The following PCGF3 variants were observed in gnomAD, a reference collection of about 807,000 sequenced individuals.
PCGF3 encodes the protein polycomb group RING finger protein 3.
Under a neutral mutation model 33.1 loss-of-function variants are expected in PCGF3, and 7 were observed. That is an observed-to-expected ratio of 0.21 (90% CI 0.12 to 0.40). The LOEUF (loss-of-function observed/expected upper bound fraction) is 0.40. Among genes scored for constraint, PCGF3 ranks in the 10% least tolerant of loss-of-function variants. PCGF3 has a pLI of 1.00. For synonymous variants in PCGF3, 153 were observed against 121.3 expected (o/e 1.26, Z -1.72); for missense variants, 211 against 313.3 (o/e 0.67, Z 2.46).
At chr4:734,147 G>T in intron 4 of PCGF3, 3 of 1,550,522 alleles carry the variant, frequency 1.9e-6, no homozygotes, top group Non-Finnish European at 2.6e-6. Flanking sequence ...CTTCCAGTGT[G>T]TTCTTCACAC....
At chr4:712,725 C>T (rs756526224) in intron 1 of PCGF3, among the ~76,000 whole-genome samples, 3 of 152,200 alleles carry the variant, frequency 2.0e-5, no homozygotes, top group Non-Finnish European at 2.9e-5. Context: ...GGATTACAGG[C>T]GTGAGCCACC....
rs142891414 is a variant in PCGF3 at position 762,456 on chromosome 4, G to C, written c.600+1040G>C. 4.3e-3 allele frequency: 660 copies of C among 152,408 alleles called. 1 individual carries two copies. Among genetic ancestry groups the C allele is most frequent in the South Asian group, 0.017 (80 of 4,828 alleles). 9.4% of individuals were successfully genotyped at this position (152,408 alleles called of 1,614,324 possible). On this transcript the variant is annotated intron_variant, in intron 9 of 10. Transcript: ENST00000362003. ...ATTCATGTTGGAAATTCCATCCCCAGCAGGGCAGTGCTGGGAGTTAGGGCC... is the reference window on the plus strand; with the variant it reads ...ATTCATGTTGGAAATTCCATCCCCACCAGGGCAGTGCTGGGAGTTAGGGCC...
chr4:756,999 AGG>A (rs1357204232), intron 8 of PCGF3: 4 of 152,244 alleles, frequency 2.6e-5, no homozygotes, highest in African/African-American at 9.7e-5. Context: ...GTATTTAAAT[AGG>A]TAATTCGTTC....
At chr4:719,290 A>G (rs1241496224) in intron 1 of PCGF3, among the ~76,000 whole-genome samples, 1 of 152,168 alleles carries the variant, frequency 6.6e-6, no homozygotes, top group East Asian at 1.9e-4. Flanking sequence ...AGGGTGACAT[A>G]GCTGTGCAGA....
At position 766,141 on chromosome 4, in the gene PCGF3, G is replaced by A. The variant is rs548408451; in HGVS notation, c.*62G>A. The A allele has an allele frequency of 1.1e-4, 153 of 1,411,362 alleles. 1 individual carries two copies. In the East Asian group the frequency reaches 1.9e-3, roughly 18 times the overall value. The allele number at this position is 1,411,362 out of a possible 1,614,324, so 87.4% of individuals were successfully genotyped here. A position where few individuals can be genotyped will look rare whatever the true frequency, so the allele number is the denominator to read the frequency against. ...ACCCTTGGGTGCTCCCGGCCGCCGC[G>A]CTTAAGAACATTGCCTCTGGGTGTC... On this transcript the variant is annotated 3_prime_UTR_variant, in exon 11 of 11. Coordinates refer to ENST00000362003, the Ensembl canonical transcript of PCGF3.
In PCGF3 at chr4:740,535, G is replaced by A. The variant is rs57212144; in HGVS notation, c.263-2939G>A. ...TGTCCGTTCCTGGTGAGGGCTGTGG[G>A]GCTCACGCACTCACCAGTCCTCTTT... On this transcript the variant is annotated intron_variant, in intron 6 of 10. Coordinates refer to ENST00000362003, the Ensembl canonical transcript of PCGF3. 7.6e-3 allele frequency among the ~76,000 whole-genome samples: 1,159 copies of A among 152,026 alleles called. 19 individuals carry two copies. Among genetic ancestry groups the A allele is most frequent in the African/African-American group, 0.026 (1,095 of 41,434 alleles).
rs6848678 is a variant in PCGF3, at chr4:765,613, C to A, written c.682-419C>A. Among the ~76,000 whole-genome samples, 177 of 152,332 alleles carry A rather than the reference C, an allele frequency of 1.2e-3. No individual in the cohort carries two copies. The East Asian group carries it at 0.029, about 25-fold the overall frequency. ...CCATGAGCAGAGGGTCCCCTGGGGC[C>A]TTTGGGCCCCTCTGAAGCAGGAAAC... On this transcript the variant is annotated intron_variant, in intron 10 of 10. Coordinates refer to ENST00000362003, the Ensembl canonical transcript of PCGF3.
intron 1 of PCGF3, among the ~76,000 whole-genome samples, chr4:712,932 C>A (rs1467718854): frequency 6.6e-6 from 1 of 152,264 alleles, no homozygotes; most frequent in African/African-American, 2.4e-5. Flanking sequence ...TCCCTCTAAT[C>A]AGTGGGTCCC....
chr4:730,812 T>G, intron 2 of PCGF3, 144 bp downstream of exon 2: 1 of 389,460 alleles, frequency 2.6e-6, no homozygotes, highest in South Asian at 1.4e-4. Context: ...GAGCCATGCG[T>G]GGGTCCTTAG....
At chr4:737,726 A>G (rs1312825831) in intron 6 of PCGF3, among the ~76,000 whole-genome samples, 1 of 151,942 alleles carries the variant, frequency 6.6e-6, no homozygotes, top group Admixed American at 6.6e-5. Context: ...TTTACCCCTT[A>G]TGTGTATTCA....
chr4:740,944 TGAC>T (rs1342595334), intron 6 of PCGF3, among the ~76,000 whole-genome samples: 1 of 152,182 alleles, frequency 6.6e-6, no homozygotes, highest in East Asian at 1.9e-4. Context: ...GACGTTTTCA[TGAC>T]GACGTCAGAA....
intron 6 of PCGF3, 158 bp downstream of exon 6, chr4:737,679 C>A: frequency 1.6e-6 from 1 of 620,348 alleles, no homozygotes; most frequent in Non-Finnish European, 2.9e-6. Flanking sequence ...ATCTCCTTGG[C>A]TGGTCTCTTC....
intron 5 of PCGF3, among the ~76,000 whole-genome samples, chr4:736,829 G>A (rs1938722635): frequency 8.2e-6 from 1 of 122,268 alleles, no homozygotes; most frequent in Admixed American, 8.6e-5. Flanking sequence ...GTGTCGCGGG[G>A]AACCTGGGGT....
intron 1 of PCGF3, among the ~76,000 whole-genome samples, chr4:715,894 TGAGG>T: frequency 9.9e-6 from 1 of 101,342 alleles, no homozygotes; most frequent in African/African-American, 3.2e-5. Context: ...CTGTGGACAC[TGAGG>T]GTGAGAACTG....
At chr4:753,085 C>T (rs995000838) in intron 8 of PCGF3, among the ~76,000 whole-genome samples, 1 of 152,256 alleles carries the variant, frequency 6.6e-6, no homozygotes, top group Non-Finnish European at 1.5e-5. Context: ...GGCTCACACA[C>T]CTGAGCTGCC....
Position 726,474 on chromosome 4 carries a change from G to A in PCGF3, c.-189-4156G>A, listed in dbSNP as rs572733937. On this transcript the variant is annotated intron_variant, in intron 1 of 10. Transcript: ENST00000362003. ...AGGTTGTGGCCCTGGAGGCACTGCC[G>A]AAATTTCCCTCAGGCCTTGGCTTTT... Among the ~76,000 whole-genome samples the A allele has an allele frequency of 2.6e-5, 4 of 152,370 alleles. No homozygotes were observed. In the East Asian group the frequency reaches 5.8e-4, roughly 22 times the overall value.
intron 1 of PCGF3, among the ~76,000 whole-genome samples, chr4:709,282 A>G (rs1278379969): frequency 6.6e-6 from 1 of 151,412 alleles, no homozygotes; most frequent in Non-Finnish European, 1.5e-5. Context: ...TGATGCATGA[A>G]CAAATGAATG....
At chr4:711,018 C>G (rs1742538157) in intron 1 of PCGF3, among the ~76,000 whole-genome samples, 1 of 152,276 alleles carries the variant, frequency 6.6e-6, no homozygotes, top group African/African-American at 2.4e-5. Flanking sequence ...CTTGACCACA[C>G]TGGACATTTG....
At chr4:764,079 G>A (rs890958889) in intron 9 of PCGF3, among the ~76,000 whole-genome samples, 11 of 152,242 alleles carry the variant, frequency 7.2e-5, no homozygotes, top group South Asian at 2.1e-4. Context: ...GCTCCTGGGC[G>A]GCGATGCTGC....
Sources: allele counts gnomAD v4.1 joint callset (sites outside exome capture counted in the v4.1 genomes callset), GRCh38; gene constraint gnomAD v4.1.1; transcripts MANE v1.5; gene names NCBI Gene and HGNC (gene_info 2026-07-23, HGNC 2026-07-21).